The following ARID1B variants were observed in gnomAD, a reference collection of about 807,000 sequenced individuals.
The protein encoded by ARID1B is AT-rich interaction domain 1B.
Under a neutral mutation model 212.3 loss-of-function variants are expected in ARID1B, and 30 were observed. The ratio of observed to expected loss-of-function variants is 0.14; its 90% CI spans 0.11 to 0.19. The LOEUF is 0.19. Among genes scored for constraint, ARID1B ranks in the 10% least tolerant of loss-of-function variants. The pLI is 1.00. For missense variants in ARID1B, 2,891 were observed against 3,204.0 expected (o/e 0.90, Z 2.36); for synonymous variants, 1,402 against 1,301.7 (o/e 1.08, Z -1.66).
chr6:156,835,237 CA>C (rs1657891978), intron 2 of ARID1B, among the ~76,000 whole-genome samples: 1 of 48,946 alleles, frequency 2.0e-5, no homozygotes, highest in Non-Finnish European at 4.1e-5. Context: ...GAGACTCTGT[CA>C]CAAAAAAAAA....
intron 1 of ARID1B, among the ~76,000 whole-genome samples, chr6:156,827,645 A>G (rs1782832598): frequency 6.6e-6 from 1 of 151,608 alleles, no homozygotes; most frequent in Non-Finnish European, 1.5e-5. Context: ...CACACCAGGC[A>G]GTTCATCTCC....
At chr6:157,178,087 G>A (rs1197566422) in intron 11 of ARID1B, among the ~76,000 whole-genome samples, 1 of 152,206 alleles carries the variant, frequency 6.6e-6, no homozygotes, top group African/African-American at 2.4e-5. Context: ...TGGGGTGGAG[G>A]CGTTGAGTGC....
intron 4 of ARID1B, among the ~76,000 whole-genome samples, chr6:156,975,063 G>T (rs1475466639): frequency 6.6e-6 from 1 of 152,198 alleles, no homozygotes; most frequent in East Asian, 1.9e-4. Flanking sequence ...TGCTGGGGGT[G>T]TGTGATTTTT....
At chr6:157,140,690 C>T (rs1037395963) in intron 7 of ARID1B, 14 of 398,542 alleles carry the variant, frequency 3.5e-5, no homozygotes, top group African/African-American at 1.9e-4. Flanking sequence ...AGACCCACCT[C>T]CTGGGAGGCC....
chr6:157,064,619 GC>G (rs1348869647), intron 4 of ARID1B, among the ~76,000 whole-genome samples: 1 of 152,096 alleles, frequency 6.6e-6, no homozygotes, highest in East Asian at 1.9e-4. Context: ...TTCTGGATTC[GC>G]CGAGAACACT....
intron 1 of ARID1B, among the ~76,000 whole-genome samples, chr6:156,818,637 G>A (rs986763755): frequency 3.3e-5 from 5 of 152,182 alleles, no homozygotes; most frequent in African/African-American, 4.8e-5. Flanking sequence ...TTCATGGCTA[G>A]TCAGAAGTAG....
intron 4 of ARID1B, among the ~76,000 whole-genome samples, chr6:157,079,472 A>T (rs1361413205): frequency 6.6e-6 from 1 of 152,248 alleles, no homozygotes; most frequent in Non-Finnish European, 1.5e-5. Flanking sequence ...AGGTGTATTC[A>T]TATCACGTGA....
intron 4 of ARID1B, among the ~76,000 whole-genome samples, chr6:156,981,575 A>G (rs1448190829): frequency 6.6e-6 from 1 of 152,146 alleles, no homozygotes; most frequent in Non-Finnish European, 1.5e-5. Flanking sequence ...GTTTGGCATC[A>G]TTTACTGGCT....
intron 2 of ARID1B, among the ~76,000 whole-genome samples, chr6:156,830,344 C>T (rs1351387387): frequency 6.6e-6 from 1 of 152,188 alleles, no homozygotes; most frequent in Admixed American, 6.5e-5. Context: ...GTCGGTAACC[C>T]ACAACAGGGC....
At chr6:156,980,799 G>T (rs565303528) in intron 4 of ARID1B, among the ~76,000 whole-genome samples, 4 of 152,212 alleles carry the variant, frequency 2.6e-5, no homozygotes, top group Non-Finnish European at 5.9e-5. Context: ...GTACCCAGGA[G>T]CTCAGATTTC....
chr6:156,928,137 G>A (rs1430415496), intron 3 of ARID1B, among the ~76,000 whole-genome samples: 1 of 152,194 alleles, frequency 6.6e-6, no homozygotes, highest in Non-Finnish European at 1.5e-5. Context: ...ACACCCTGGG[G>A]CCGGCCCTGT....
chr6:157,073,577 T>C (rs111937850), intron 4 of ARID1B, among the ~76,000 whole-genome samples: 2,441 of 152,350 alleles, frequency 0.016, 71 homozygotes, highest in African/African-American at 0.055. Flanking sequence ...ACTTATTGTA[T>C]GCTTAATGTT....
chr6:157,070,742 A>G (rs1336284594), intron 4 of ARID1B, among the ~76,000 whole-genome samples: 1 of 152,190 alleles, frequency 6.6e-6, no homozygotes, highest in Non-Finnish European at 1.5e-5. Context: ...CTAGATTAGG[A>G]ACAGTTTTAT....
At position 157,046,460 on chromosome 6, in the gene ARID1B, T is replaced by G. The variant is rs12664719; in HGVS notation, c.2248-38202T>G. 3.6e-3 allele frequency among the ~76,000 whole-genome samples: 549 copies of G among 152,334 alleles called. 29 individuals are homozygous for G. In the East Asian group the frequency reaches 0.083, roughly 23 times the overall value. On this transcript the variant is annotated intron_variant, in intron 4 of 19. Transcript: ENST00000636930. ...TGACTGGGAGTTGAACAGACCCATA[T>G]TCTACTGTAAGTCCCATTGTGAGGT...
intron 1 of ARID1B, among the ~76,000 whole-genome samples, chr6:156,819,119 T>G (rs1186316364): frequency 6.6e-6 from 1 of 152,174 alleles, no homozygotes; most frequent in Non-Finnish European, 1.5e-5. Flanking sequence ...GGGTTAAAAT[T>G]TGACATAGTC....
intron 4 of ARID1B, among the ~76,000 whole-genome samples, chr6:156,956,321 G>A (rs1793978641): frequency 6.6e-6 from 1 of 152,150 alleles, no homozygotes; most frequent in Non-Finnish European, 1.5e-5. Context: ...TCTCTCAGAA[G>A]CCAGGACTCA....
chr6:156,842,991 G>T (rs1397010845), intron 2 of ARID1B, among the ~76,000 whole-genome samples: 1 of 152,200 alleles, frequency 6.6e-6, no homozygotes, highest in Non-Finnish European at 1.5e-5. Context: ...CATTCCACTG[G>T]TGTTAGGCAA....
At chr6:157,135,904 G>A (rs1788871766) in intron 7 of ARID1B, among the ~76,000 whole-genome samples, 1 of 152,112 alleles carries the variant, frequency 6.6e-6, no homozygotes, top group Admixed American at 6.5e-5. Context: ...CACCCAAGAT[G>A]TCATCAGTCT....
At position 156,973,148 on chromosome 6, in the gene ARID1B, T is replaced by C. The variant is rs115377447; in HGVS notation, c.2247+37572T>C. On this transcript the variant is annotated intron_variant, in intron 4 of 19. Transcript: ENST00000636930. ...CTAGCTACTTGTGGGTATTGTGCACTCAAAAACTGGCTAGTAATTAAGGGA... is the reference window on the plus strand; with the variant it reads ...CTAGCTACTTGTGGGTATTGTGCACCCAAAAACTGGCTAGTAATTAAGGGA... 8.5e-3 allele frequency among the ~76,000 whole-genome samples: 1,293 copies of C among 152,338 alleles called. 23 individuals carry two copies. Among genetic ancestry groups the C allele is most frequent in the African/African-American group, 0.03 (1,248 of 41,590 alleles).
Sources: gnomAD v4.1 joint callset for allele counts (sites outside exome capture counted in the v4.1 genomes callset) on GRCh38, gnomAD v4.1.1 for gene constraint, MANE v1.5 for transcripts, NCBI Gene and HGNC (gene_info 2026-07-23, HGNC 2026-07-21) for gene names.